FAM135B: variants seen among roughly 807,000 people sequenced by gnomAD.
FAM135B encodes the protein protein FAM135B.
FAM135B carries 43 observed loss-of-function variants against 127.7 expected under a neutral mutation model. That is an observed-to-expected ratio of 0.34 (90% CI 0.26 to 0.43). The LOEUF (loss-of-function observed/expected upper bound fraction) is 0.43. FAM135B is among the 20% of genes least tolerant of loss of function. The probability of loss-of-function intolerance (pLI) is 1.00; values close to 1 mark genes in which losing one functional copy is unlikely to be tolerated. For missense variants in FAM135B, 1,558 were observed against 1,725.6 expected, an observed-to-expected ratio of 0.90 and a Z score of 1.72; for synonymous variants, 670 against 665.1, an observed-to-expected ratio of 1.01 and a Z score of -0.11.
chr8:138,345,780 C>T (rs188993710), intron 2 of FAM135B, among the ~76,000 whole-genome samples: 2 of 152,288 alleles, frequency 1.3e-5, no homozygotes, highest in Admixed American at 6.5e-5. Context: ...TCAGACTCTG[C>T]CTTGGAAGGG....
chr8:138,219,729 CT>C (rs1309652311), intron 7 of FAM135B, among the ~76,000 whole-genome samples: 3 of 152,050 alleles, frequency 2.0e-5, no homozygotes, highest in Non-Finnish European at 4.4e-5. Context: ...CTCACTTTAC[CT>C]CCCTCCCCCA....
At chr8:138,362,258 C>T (rs1830463233) in intron 2 of FAM135B, among the ~76,000 whole-genome samples, 1 of 149,266 alleles carries the variant, frequency 6.7e-6, no homozygotes. Context: ...CCCCACCTCC[C>T]TCTCACCATC....
chr8:138,285,193 C>T (rs894363420), intron 3 of FAM135B, among the ~76,000 whole-genome samples: 2 of 115,072 alleles, frequency 1.7e-5, no homozygotes, highest in African/African-American at 6.7e-5. Flanking sequence ...GTCACCCAGA[C>T]TGGAGTGCAG....
intron 1 of FAM135B, among the ~76,000 whole-genome samples, chr8:138,493,935 T>C (rs751639261): frequency 5.3e-5 from 8 of 152,252 alleles, no homozygotes; most frequent in Admixed American, 2.6e-4. Context: ...AATCCAATGC[T>C]TGTGCTTTTT....
In FAM135B at chr8:138,178,697, AGGC is replaced by A. The variant is rs1339726968; in HGVS notation, c.874-10_874-8del. ...TCTCTGGATTGTTCAACATCTGGAGAGGCAAAAAAGGTGGTATTCAAGGCTCCT... is the reference window on the plus strand; with the variant it reads ...TCTCTGGATTGTTCAACATCTGGAGAAAAAAAGGTGGTATTCAAGGCTCCT... On this transcript the variant is annotated splice_region_variant and splice_polypyrimidine_tract_variant and intron_variant, in intron 9 of 19. Coordinates refer to ENST00000395297, the MANE Select transcript of FAM135B (RefSeq NM_015912.4). 1 of 1,600,112 alleles carries A rather than the reference AGGC, an allele frequency of 6.2e-7. No homozygotes were observed. The highest frequency in any genetic ancestry group is 1.7e-5 in the Admixed American group (1 of 58,706).
intron 1 of FAM135B, among the ~76,000 whole-genome samples, chr8:138,377,921 G>T (rs1403001177): frequency 1.1e-4 from 17 of 152,178 alleles, no homozygotes; most frequent in Admixed American, 1.1e-3. Flanking sequence ...GGGAATATCT[G>T]CTCAGTGTTC....
intron 1 of FAM135B, among the ~76,000 whole-genome samples, chr8:138,405,849 A>C (rs956975472): frequency 7.3e-5 from 11 of 151,640 alleles, no homozygotes; most frequent in African/African-American, 2.7e-4. Context: ...AAGTGTTCCT[A>C]TTTCTCCACA....
At chr8:138,317,105 A>G (rs529139693) in intron 2 of FAM135B, among the ~76,000 whole-genome samples, 1 of 152,348 alleles carries the variant, frequency 6.6e-6, no homozygotes, top group Admixed American at 6.5e-5. Flanking sequence ...GAGAAGCTTT[A>G]TCCACAATAC....
chr8:138,367,501 T>C (rs570271074), intron 2 of FAM135B: 1 of 456,284 alleles, frequency 2.2e-6, no homozygotes, highest in South Asian at 1.6e-5. Flanking sequence ...TAGGCACAAG[T>C]GTTACAATAC....
At chr8:138,218,803 AGG>A (rs1491101864) in intron 7 of FAM135B, among the ~76,000 whole-genome samples, 827 of 21,414 alleles carry the variant, frequency 0.039, 10 homozygotes, top group African/African-American at 0.081. Flanking sequence ...AGAGAGAGAG[AGG>A]GAGAGAAAGA....
Position 138,480,092 on chromosome 8 carries a change from C to T in FAM135B, c.-20+16579G>A, listed in dbSNP as rs534887987. On this transcript the variant is annotated intron_variant, in intron 1 of 19. Transcript: ENST00000395297. ...CAGTAACAAACACAGCTAAACAACA[C>T]GGTCATTCATTGGATCTGGATGTCC... is the stretch of plus-strand genomic sequence containing the variant. Among the ~76,000 whole-genome samples the T allele has an allele frequency of 1.1e-4, 17 of 152,282 alleles. 1 individual carries two copies. The East Asian group carries it at 3.1e-3, about 28-fold the overall frequency.
At position 138,344,573 on chromosome 8, in the gene FAM135B, CTTTCTTTTTT is replaced by C. The variant is rs1468885645; in HGVS notation, c.77+23324_77+23333del. Among the ~76,000 whole-genome samples, 4 of 113,614 alleles carry C rather than the reference CTTTCTTTTTT, an allele frequency of 3.5e-5. No individual in the cohort carries two copies. In the East Asian group the frequency reaches 1.4e-3, roughly 40 times the overall value. 74.5% of individuals were successfully genotyped at this position (113,614 alleles called of 152,430 possible). A position where few individuals can be genotyped will look rare whatever the true frequency, so the allele number is the denominator to read the frequency against. ...AGGAGTCTCTTGCTACACTTTCTTT[CTTTCTTTTTT>C]TTTTTTTTTTGTTAAGGAGTCTCGC... On this transcript the variant is annotated intron_variant, in intron 2 of 19. Transcript: ENST00000395297.
intron 7 of FAM135B, among the ~76,000 whole-genome samples, chr8:138,205,794 A>G (rs923989664): frequency 6.6e-6 from 1 of 151,306 alleles, no homozygotes; most frequent in African/African-American, 2.4e-5. Flanking sequence ...CATTCCACAG[A>G]GTGTATCTGA....
At chr8:138,143,208 T>G in intron 15 of FAM135B, 99 bp from the exon 16 acceptor site, 1 of 689,246 alleles carries the variant, frequency 1.5e-6, no homozygotes. Context: ...TGGCGCCTAC[T>G]GGGGATGTGC....
At chr8:138,317,885 T>C (rs1827203381) in intron 2 of FAM135B, among the ~76,000 whole-genome samples, 1 of 152,246 alleles carries the variant, frequency 6.6e-6, no homozygotes, top group Non-Finnish European at 1.5e-5. Context: ...AGGGCAGCAG[T>C]GGCCGCCTTG....
chr8:138,254,793 C>T (rs1413150621), intron 5 of FAM135B, among the ~76,000 whole-genome samples: 7 of 152,068 alleles, frequency 4.6e-5, no homozygotes, highest in African/African-American at 1.2e-4. Context: ...GACTGTGGCA[C>T]GAACAAGGTA....
chr8:138,200,411 C>T (rs1030801020), intron 7 of FAM135B, among the ~76,000 whole-genome samples: 1 of 152,094 alleles, frequency 6.6e-6, no homozygotes, highest in African/African-American at 2.4e-5. Flanking sequence ...GTATGCAGCA[C>T]GGAGCACATC....
At chr8:138,165,169 G>A (rs1221959565) in intron 12 of FAM135B, among the ~76,000 whole-genome samples, 1 of 150,990 alleles carries the variant, frequency 6.6e-6, no homozygotes, top group Non-Finnish European at 1.5e-5. Flanking sequence ...TGGCCAGGCT[G>A]GAGTGCAATG....
chr8:138,397,560 C>T (rs1832919552), intron 1 of FAM135B, among the ~76,000 whole-genome samples: 1 of 152,162 alleles, frequency 6.6e-6, no homozygotes, highest in Admixed American at 6.5e-5. Context: ...ATGTTATGCA[C>T]ACATCCCATA....
Sources: allele counts gnomAD v4.1 joint callset (sites outside exome capture counted in the v4.1 genomes callset), GRCh38; gene constraint gnomAD v4.1.1; transcripts MANE v1.5; gene names NCBI Gene and HGNC (gene_info 2026-07-23, HGNC 2026-07-21).